The following SOX5 variants were observed in gnomAD, a reference collection of about 807,000 sequenced individuals.
SOX5 encodes the protein transcription factor SOX-5.
Under a neutral mutation model 92.0 loss-of-function variants are expected in SOX5, and 9 were observed. The observed-to-expected ratio is 0.10, with a 90% CI of 0.06 to 0.17. The LOEUF (loss-of-function observed/expected upper bound fraction) is 0.17, where lower values mean the gene tolerates loss of function less well. SOX5 is among the 10% of genes least tolerant of loss of function. The pLI is 1.00. For synonymous variants in SOX5, 344 were observed against 336.3 expected, an observed-to-expected ratio of 1.02 and a Z score of -0.25; for missense variants, 642 against 944.5, an observed-to-expected ratio of 0.68 and a Z score of 4.20.
chr12:23,731,728 G>A (rs1260475148), intron 6 of SOX5, among the ~76,000 whole-genome samples: 1 of 152,022 alleles, frequency 6.6e-6, no homozygotes, highest in East Asian at 1.9e-4. Context: ...TTGATGTATT[G>A]GATTCCTTTG....
chr12:23,793,338 G>A (rs2095509265), intron 3 of SOX5, among the ~76,000 whole-genome samples: 1 of 152,002 alleles, frequency 6.6e-6, no homozygotes, highest in Non-Finnish European at 1.5e-5. Context: ...TTAGGGTGAG[G>A]GGCAGACACT....
chr12:23,815,823 G>T (rs2095980072), intron 3 of SOX5, among the ~76,000 whole-genome samples: 2 of 152,090 alleles, frequency 1.3e-5, no homozygotes, highest in Non-Finnish European at 2.9e-5. Flanking sequence ...GAATGACTAT[G>T]ACTTTATTGC....
intron 3 of SOX5, among the ~76,000 whole-genome samples, chr12:23,818,149 G>C (rs1468931372): frequency 6.6e-6 from 1 of 152,154 alleles, no homozygotes; most frequent in Non-Finnish European, 1.5e-5. Flanking sequence ...GTCATGCATT[G>C]CTTAACGACA....
At chr12:23,930,345 A>G (rs956126418) in intron 1 of SOX5, among the ~76,000 whole-genome samples, 18 of 151,954 alleles carry the variant, frequency 1.2e-4, no homozygotes, top group African/African-American at 4.3e-4. Context: ...CCAAGAAAAA[A>G]TATAAATATG....
chr12:24,253,558 G>T (rs1253089862), intron 3 of SOX5, among the ~76,000 whole-genome samples: 1 of 152,140 alleles, frequency 6.6e-6, no homozygotes, highest in African/African-American at 2.4e-5. Context: ...GTTACTATTT[G>T]TAAGAGGTGT....
At chr12:24,359,553 T>C (rs192278476) in intron 2 of SOX5, among the ~76,000 whole-genome samples, 1 of 152,368 alleles carries the variant, frequency 6.6e-6, no homozygotes, top group East Asian at 1.9e-4. Context: ...CCCTTAGCCA[T>C]ACTTTTGGGA....
intron 2 of SOX5, among the ~76,000 whole-genome samples, chr12:23,876,732 T>A (rs191501496): frequency 6.6e-6 from 1 of 152,224 alleles, no homozygotes; most frequent in Admixed American, 6.5e-5. Flanking sequence ...TAACAAAGAC[T>A]TGGAACCAAC....
chr12:24,205,553 C>T (rs1365186295), intron 4 of SOX5, among the ~76,000 whole-genome samples: 3 of 152,154 alleles, frequency 2.0e-5, no homozygotes, highest in Non-Finnish European at 2.9e-5. Flanking sequence ...TGATGTCTGT[C>T]TCATTCCAAA....
chr12:23,806,796 A>C (rs938458231), intron 3 of SOX5, among the ~76,000 whole-genome samples: 2 of 152,166 alleles, frequency 1.3e-5, no homozygotes, highest in Non-Finnish European at 2.9e-5. Flanking sequence ...TAAACCCTCT[A>C]AACTTTTCCA....
chr12:24,555,942 C>T (rs1420829898), intron 1 of SOX5, among the ~76,000 whole-genome samples: 2 of 152,228 alleles, frequency 1.3e-5, no homozygotes, highest in Admixed American at 1.3e-4. Context: ...GGAGGCCATG[C>T]TTCCTGTAGC....
chr12:23,951,329 A>G (rs1945595650), upstream of SOX5, among the ~76,000 whole-genome samples: 1 of 150,266 alleles, frequency 6.7e-6, no homozygotes, highest in Non-Finnish European at 1.5e-5. Flanking sequence ...CTCCCCCCCA[A>G]CCCCCTCCAC....
chr12:24,441,967 T>C (rs1473175961), intron 1 of SOX5, among the ~76,000 whole-genome samples: 1 of 152,172 alleles, frequency 6.6e-6, no homozygotes, highest in African/African-American at 2.4e-5. Context: ...CTTTGTGGAT[T>C]TAAGGAGGTA....
At chr12:23,790,552 A>T (rs531463920) in intron 3 of SOX5, among the ~76,000 whole-genome samples, 25 of 146,992 alleles carry the variant, frequency 1.7e-4, no homozygotes, top group Middle Eastern at 3.7e-3. Context: ...AATCTCTCAC[A>T]CACACACACA....
At chr12:24,301,399 A>T (rs1007448508) in intron 2 of SOX5, among the ~76,000 whole-genome samples, 5 of 152,202 alleles carry the variant, frequency 3.3e-5, no homozygotes, top group Non-Finnish European at 7.3e-5. Context: ...TATTACAATG[A>T]TGAATATTCC....
At chr12:24,123,338 A>C (rs1332735895) in intron 4 of SOX5, among the ~76,000 whole-genome samples, 1 of 152,256 alleles carries the variant, frequency 6.6e-6, no homozygotes, top group African/African-American at 2.4e-5. Context: ...TCTCAGAGAT[A>C]GAGAGTTATA....
At chr12:24,362,008 A>T (rs1214715812) in intron 2 of SOX5, among the ~76,000 whole-genome samples, 1 of 152,200 alleles carries the variant, frequency 6.6e-6, no homozygotes, top group East Asian at 1.9e-4. Context: ...TAACTGTTTT[A>T]TAAGAGATCA....
chr12:24,087,822 T>C (rs1276137904), intron 4 of SOX5, among the ~76,000 whole-genome samples: 2 of 152,054 alleles, frequency 1.3e-5, no homozygotes, highest in African/African-American at 4.8e-5. Flanking sequence ...GGGGTTAGTA[T>C]TTTAAAATAA....
intron 2 of SOX5, among the ~76,000 whole-genome samples, chr12:24,362,921 A>G (rs1325395330): frequency 6.6e-6 from 1 of 152,014 alleles, no homozygotes; most frequent in Non-Finnish European, 1.5e-5. Flanking sequence ...TACATATAAT[A>G]AAGTGTCTTG....
chr12:24,484,577 G>C (rs1566279708), intron 1 of SOX5, among the ~76,000 whole-genome samples: 1 of 152,162 alleles, frequency 6.6e-6, no homozygotes, highest in African/African-American at 2.4e-5. Context: ...TTGTGTTCGT[G>C]TGTGTTGGGA....
Sources: allele counts gnomAD v4.1 joint callset (sites outside exome capture counted in the v4.1 genomes callset), GRCh38; gene constraint gnomAD v4.1.1; transcripts MANE v1.5; gene names NCBI Gene and HGNC (gene_info 2026-07-23, HGNC 2026-07-21).